CA8: variants seen among roughly 807,000 people sequenced by gnomAD.
The protein encoded by CA8 is carbonic anhydrase-related protein.
Under a neutral mutation model 41.4 loss-of-function variants are expected in CA8, and 22 were observed. The observed-to-expected ratio is 0.53, with a 90% confidence interval of 0.38 to 0.76. The LOEUF (loss-of-function observed/expected upper bound fraction) is 0.76, where lower values mean the gene tolerates loss of function less well. CA8 is among the 30% of genes least tolerant of loss of function. The pLI, the probability that CA8 is intolerant of heterozygous loss-of-function variation, is 0.00. For synonymous variants in CA8, 121 were observed against 130.6 expected (o/e 0.93, Z 0.50); for missense variants, 270 against 352.8 (o/e 0.77, Z 1.88).
At chr8:60,233,842 T>G (rs1346742240) in intron 3 of CA8, among the ~76,000 whole-genome samples, 1 of 152,180 alleles carries the variant, frequency 6.6e-6, no homozygotes, top group Non-Finnish European at 1.5e-5. Context: ...TGGGTTTTTC[T>G]TTTTCCCTAC....
chr8:60,280,585 T>C (rs1009647924), intron 1 of CA8, among the ~76,000 whole-genome samples: 1 of 152,198 alleles, frequency 6.6e-6, no homozygotes, highest in African/African-American at 2.4e-5. Context: ...TTAGAAAGAC[T>C]TGAGCATTGC....
intron 5 of CA8, among the ~76,000 whole-genome samples, chr8:60,225,775 C>G (rs549058070): frequency 6.6e-6 from 1 of 152,204 alleles, no homozygotes; most frequent in Non-Finnish European, 1.5e-5. Flanking sequence ...CTTCCCCTCC[C>G]CAAGGCCACT....
At chr8:60,190,336 A>G (rs1389002836) in intron 8 of CA8, among the ~76,000 whole-genome samples, 1 of 150,434 alleles carries the variant, frequency 6.6e-6, no homozygotes, top group Non-Finnish European at 1.5e-5. Flanking sequence ...TTCACATATA[A>G]TAATCACAGA....
intron 7 of CA8, among the ~76,000 whole-genome samples, chr8:60,218,306 GT>G (rs5891754): frequency 0.028 from 4,077 of 146,408 alleles, 152 homozygotes; most frequent in East Asian, 0.18. Flanking sequence ...AAATGACTGG[GT>G]TTTTTTTTTT....
At chr8:60,261,756 G>A (rs1437509243) in intron 3 of CA8, among the ~76,000 whole-genome samples, 1 of 152,180 alleles carries the variant, frequency 6.6e-6, no homozygotes, top group African/African-American at 2.4e-5. Flanking sequence ...CTTTCGCCCA[G>A]GCTGGAGTGC....
At chr8:60,258,539 G>A (rs1803623602) in intron 3 of CA8, among the ~76,000 whole-genome samples, 1 of 152,090 alleles carries the variant, frequency 6.6e-6, no homozygotes, top group African/African-American at 2.4e-5. Context: ...CAGGGGGCAG[G>A]GGATGGTTTC....
At chr8:60,264,206 G>A (rs902131304) in intron 3 of CA8, among the ~76,000 whole-genome samples, 9 of 152,180 alleles carry the variant, frequency 5.9e-5, no homozygotes, top group African/African-American at 1.4e-4. Context: ...CGCTAATTAC[G>A]TTTCCTACAG....
intron 3 of CA8, among the ~76,000 whole-genome samples, chr8:60,258,162 T>G (rs1253038918): frequency 6.6e-6 from 1 of 152,200 alleles, no homozygotes. Flanking sequence ...AGAGATCAGA[T>G]TCACTGTCAT....
At chr8:60,204,581 A>G (rs940260316) in intron 8 of CA8, among the ~76,000 whole-genome samples, 14 of 152,240 alleles carry the variant, frequency 9.2e-5, no homozygotes, top group African/African-American at 3.1e-4. Context: ...TAATTTTTAT[A>G]TCACATAATC....
chr8:60,273,802 A>G (rs1348921741), intron 2 of CA8, among the ~76,000 whole-genome samples: 1 of 152,202 alleles, frequency 6.6e-6, no homozygotes, highest in African/African-American at 2.4e-5. Context: ...TTCATCAGTG[A>G]CCTTGGCTTG....
At chr8:60,246,281 T>TG (rs34495632) in intron 3 of CA8, among the ~76,000 whole-genome samples, 54,604 of 151,742 alleles carry the variant, frequency 0.36, 10,460 homozygotes, top group African/African-American at 0.48. Context: ...AATGCATTTC[T>TG]GGGGGGGGTT....
At position 60,185,874 on chromosome 8, in the gene CA8, AATGTAATT is replaced by A. The variant is rs1209505530; in HGVS notation, c.*4139_*4146del. On this transcript the variant is annotated 3_prime_UTR_variant, in exon 9 of 9. Transcript: ENST00000317995. ...TTCCAAAAAAAAAAGGGCACTGGTA[AATGTAATT>A]ATGTAATTATGAAAGACAGTATAAA... Among the ~76,000 whole-genome samples the A allele has an allele frequency of 6.6e-6, 1 of 152,126 alleles. No individual in the cohort carries two copies. Among genetic ancestry groups the A allele is most frequent in the Admixed American group, 6.5e-5 (1 of 15,274 alleles).
intron 4 of CA8, among the ~76,000 whole-genome samples, chr8:60,229,439 AT>A (rs1158172910): frequency 9.9e-5 from 15 of 152,068 alleles, no homozygotes; most frequent in Admixed American, 2.0e-4. Context: ...CGAGGGGACC[AT>A]CTTCTAAGGC....
At chr8:60,270,960 C>A (rs1193758818) in intron 2 of CA8, among the ~76,000 whole-genome samples, 1 of 152,018 alleles carries the variant, frequency 6.6e-6, no homozygotes, top group East Asian at 1.9e-4. Context: ...GAGAGCAGGC[C>A]GGGCAAAGTG....
chr8:60,234,204 C>T (rs537125137), intron 3 of CA8, among the ~76,000 whole-genome samples: 20 of 152,232 alleles, frequency 1.3e-4, no homozygotes, highest in African/African-American at 4.8e-4. Context: ...AGACACTCCA[C>T]AAAATACTTC....
chr8:60,243,806 C>A (rs1808127649), intron 3 of CA8, among the ~76,000 whole-genome samples: 1 of 152,172 alleles, frequency 6.6e-6, no homozygotes, highest in Non-Finnish European at 1.5e-5. Flanking sequence ...AACAGCAGTT[C>A]CATCGCAGGC....
chr8:60,271,266 C>G (rs1378287686), intron 2 of CA8, among the ~76,000 whole-genome samples: 1 of 151,722 alleles, frequency 6.6e-6, no homozygotes, highest in Non-Finnish European at 1.5e-5. Flanking sequence ...TGCTTGAGCC[C>G]AGGACTTGGA....
chr8:60,235,657 G>A (rs1030441722), intron 3 of CA8, among the ~76,000 whole-genome samples: 1 of 152,184 alleles, frequency 6.6e-6, no homozygotes, highest in African/African-American at 2.4e-5. Context: ...CAAAGCCACA[G>A]AGGCAGGAAA....
At chr8:60,225,136 T>C (rs955487771) in intron 5 of CA8, among the ~76,000 whole-genome samples, 1 of 152,088 alleles carries the variant, frequency 6.6e-6, no homozygotes, top group African/African-American at 2.4e-5. Flanking sequence ...TTCCGATCAG[T>C]GTTTATCAAA....
Sources: gnomAD v4.1 joint callset for allele counts (sites outside exome capture counted in the v4.1 genomes callset) on GRCh38, gnomAD v4.1.1 for gene constraint, MANE v1.5 for transcripts, NCBI Gene and HGNC (gene_info 2026-07-23, HGNC 2026-07-21) for gene names.